Variants in NF1 observed in about 807,000 individuals in gnomAD.
The protein encoded by NF1 is neurofibromin.
A neutral mutation model predicts 325.7 loss-of-function variants in NF1; 122 were observed. The ratio of observed to expected loss-of-function variants is 0.37; its 90% confidence interval spans 0.32 to 0.44. NF1 has a LOEUF of 0.44. NF1 is among the 20% of genes least tolerant of loss of function. The probability of loss-of-function intolerance (pLI) is 1.00; values close to 1 mark genes in which losing one functional copy is unlikely to be tolerated. For missense variants in NF1, 2,140 were observed against 3,415.4 expected, an observed-to-expected ratio of 0.63 and a Z score of 9.31; for synonymous variants, 1,091 against 1,186.0, an observed-to-expected ratio of 0.92 and a Z score of 1.65.
At chr17:31,207,128 G>A (rs2066638763) in intron 12 of NF1, among the ~76,000 whole-genome samples, 1 of 152,044 alleles carries the variant, frequency 6.6e-6, no homozygotes, top group Admixed American at 6.6e-5. Context: ...TCTATTATTG[G>A]CTGCTGTCGC....
chr17:31,225,280 A>C, intron 17 of NF1, 30 bp downstream of exon 17: 1 of 1,609,788 alleles, frequency 6.2e-7, no homozygotes, highest in Non-Finnish European at 8.5e-7. Context: ...TTTCTGTATC[A>C]TTTTATGTGC....
intron 36 of NF1, chr17:31,314,108 T>C (rs905664341): frequency 1.5e-5 from 6 of 397,584 alleles, no homozygotes; most frequent in Non-Finnish European, 2.2e-5. Flanking sequence ...ACTGAAATAG[T>C]TTCTGTAGAA....
rs184485004 is a variant in NF1, at chr17:31,304,380, A to G, written c.4836-21440A>G. ...GGTTGGAATCTTCTTGGTTTTTCAT[A>G]AAATCTACTGGTGGCAGGGGCAAGT... On this transcript the variant is annotated intron_variant, in intron 36 of 57. Transcript: ENST00000358273. 9.0e-5 allele frequency: 145 copies of G among 1,614,112 alleles called. 1 individual carries two copies. In the East Asian group the frequency reaches 2.1e-3, roughly 23 times the overall value.
At position 31,358,863 on chromosome 17, in the gene NF1, A is replaced by G. The variant is rs1218347018; in HGVS notation, c.8114-106A>G. ...CACTCATTCTAAAAACATGTTTTCA[A>G]CATGTACATAGGGTTTATATATCAT... On this transcript the variant is annotated intron_variant, in intron 55 of 57. Coordinates refer to ENST00000358273, the MANE Select transcript of NF1 (RefSeq NM_001042492.3). 4 of 1,116,870 alleles carry G rather than the reference A, an allele frequency of 3.6e-6. No individual in the cohort carries two copies. The South Asian group carries it at 4.0e-5, about 11-fold the overall frequency. 69.2% of individuals were successfully genotyped at this position (1,116,870 alleles called of 1,614,324 possible). A position where few individuals can be genotyped will look rare whatever the true frequency, so the allele number is the denominator to read the frequency against.
intron 1 of NF1, among the ~76,000 whole-genome samples, chr17:31,132,994 T>C (rs1915504216): frequency 6.6e-6 from 1 of 152,084 alleles, no homozygotes; most frequent in Non-Finnish European, 1.5e-5. Context: ...TGTGGAAAAA[T>C]GCACATAACA....
intron 27 of NF1, 91 bp from the exon 28 acceptor site, chr17:31,235,520 C>A (rs917243770): frequency 7.1e-7 from 1 of 1,406,686 alleles, no homozygotes; most frequent in Admixed American, 1.7e-5. Context: ...TGGTTGTCAA[C>A]TTTGGGTTTA....
In NF1 at chr17:31,352,267, G is replaced by A. The variant is rs2151576916; in HGVS notation, c.7468G>A (p.Glu2490Lys). Residue 2490 changes from glutamate (E) to lysine (K), a missense_variant, in exon 51 of 58, where the codon GAG (glutamate) becomes AAG (lysine). Glu to Lys is a moderately conservative substitution (Grantham distance 56). Around this residue, in one of 10 missense-constraint regions of NF1, gnomAD observed 522 missense variants for 749.0 expected, o/e 0.70. Transcript: ENST00000358273. ...GTTTTCATCTTTCAGGACACTAAAG[G>A]AGACTCAGCCATGGTCCTCTCCCAA... ...HGDPSYRTLK[E>K]TQPWSSPKGS... 3 of 1,613,960 alleles carry A rather than the reference G, an allele frequency of 1.9e-6. No individual in the cohort carries two copies. Among genetic ancestry groups the A allele is most frequent in the Non-Finnish European group, 2.5e-6 (3 of 1,179,952 alleles).
intron 1 of NF1, among the ~76,000 whole-genome samples, chr17:31,152,546 C>CT (rs1179395397): frequency 6.3e-5 from 9 of 143,954 alleles, no homozygotes; most frequent in Non-Finnish European, 7.6e-5. Flanking sequence ...TTAGTCCCCC[C>CT]TTTTTTTTCA....
intron 17 of NF1, among the ~76,000 whole-genome samples, chr17:31,226,111 G>GTTAT (rs1194892778): frequency 1.3e-5 from 2 of 151,906 alleles, no homozygotes; most frequent in Non-Finnish European, 2.9e-5. Context: ...GTAGATTTAC[G>GTTAT]TTATGGTGTT....
chr17:31,338,828 G>A (rs2151559486), intron 46 of NF1, 23 bp downstream of exon 46: 2 of 1,425,692 alleles, frequency 1.4e-6, no homozygotes, highest in Non-Finnish European at 2.0e-6. Flanking sequence ...TAGAAAATGA[G>A]TGCATTCATT....
chr17:31,185,240 G>T (rs896587638), intron 8 of NF1, among the ~76,000 whole-genome samples: 1 of 152,140 alleles, frequency 6.6e-6, no homozygotes, highest in East Asian at 1.9e-4. Context: ...GTCCTAGCAG[G>T]TCCCTAGAGG....
chr17:31,271,690 C>T (rs913937675), intron 36 of NF1, among the ~76,000 whole-genome samples: 2 of 152,064 alleles, frequency 1.3e-5, no homozygotes, highest in African/African-American at 4.8e-5. Flanking sequence ...GTGGAGGTTG[C>T]AGTGAGCTGA....
rs556098393 is a variant in NF1 at position 31,132,411 on chromosome 17, A to G, written c.61-23572A>G. On this transcript the variant is annotated intron_variant, in intron 1 of 57. Coordinates refer to ENST00000358273, the MANE Select transcript of NF1 (RefSeq NM_001042492.3). Reference sequence around the variant, plus strand: ...AAAAACTAGCTGGGTGTGGTGGCAGACGCCTGTAATCCCAGCTACTCAGGA... The same window carrying G: ...AAAAACTAGCTGGGTGTGGTGGCAGGCGCCTGTAATCCCAGCTACTCAGGA... Among the ~76,000 whole-genome samples, 339 of 152,136 alleles carry G rather than the reference A, an allele frequency of 2.2e-3. 3 individuals carry two copies. The highest frequency in any genetic ancestry group is 2.8e-4 in the Non-Finnish European group (19 of 67,998).
chr17:31,311,310 T>C (rs1332478690), intron 36 of NF1, among the ~76,000 whole-genome samples: 3 of 152,096 alleles, frequency 2.0e-5, no homozygotes, highest in African/African-American at 7.2e-5. Flanking sequence ...GCATTTAAAA[T>C]TGATGCTGTT....
chr17:31,337,340 C>T (rs753505259), intron 42 of NF1, 28 bp from the exon 43 acceptor site: 74 of 1,543,850 alleles, frequency 4.8e-5, no homozygotes, highest in Non-Finnish European at 6.2e-5. Flanking sequence ...TATTTTCTGT[C>T]TTTACTTGTT....
At chr17:31,333,806 C>G (rs2069568079) in intron 39 of NF1, among the ~76,000 whole-genome samples, 1 of 152,162 alleles carries the variant, frequency 6.6e-6, no homozygotes, top group South Asian at 2.1e-4. Flanking sequence ...AGCCACGGAA[C>G]TGTACATTTA....
chr17:31,126,843 T>G (rs1167958348), intron 1 of NF1, among the ~76,000 whole-genome samples: 1 of 152,236 alleles, frequency 6.6e-6, no homozygotes, highest in Non-Finnish European at 1.5e-5. Context: ...TGCAGCTGAA[T>G]TTATCAGTCT....
chr17:31,181,760 C>T lies in NF1; in HGVS notation c.705C>T (p.Tyr235=), dbSNP rs769048538. 6.2e-7 allele frequency: 1 copy of T among 1,608,192 alleles called. No homozygotes were observed. Among genetic ancestry groups the T allele is most frequent in the Non-Finnish European group, 8.5e-7 (1 of 1,175,548 alleles). Residue 235 remains tyrosine, a synonymous_variant, in exon 7 of 58, where the codon TAC becomes TAT. Coordinates refer to ENST00000358273, the MANE Select transcript of NF1 (RefSeq NM_001042492.3). ...ATCCAGATGAATTTACAAAACTGTACCAGATCCCACAGACTGATATGGCTG... is the reference window on the plus strand; with the variant it reads ...ATCCAGATGAATTTACAAAACTGTATCAGATCCCACAGACTGATATGGCTG... ...ENYPDEFTKL[Y]QIPQTDMAEC... is the part of the protein sequence containing the mutation.
At position 31,261,727 on chromosome 17, in the gene NF1, G is replaced by A. The variant is rs2067689658; in HGVS notation, c.4594G>A (p.Gly1532Arg). The A allele has an allele frequency of 6.2e-7, 1 of 1,611,936 alleles. No homozygotes were observed. Among genetic ancestry groups the A allele is most frequent in the Non-Finnish European group, 8.5e-7 (1 of 1,179,938 alleles). Residue 1532 changes from glycine to arginine, a missense_variant, in exon 35 of 58, where the codon GGA becomes AGA. Physicochemically the swap from Gly to Arg is moderately radical, Grantham distance 125. Around this residue, in one of 10 missense-constraint regions of NF1, gnomAD observed 103 missense variants for 214.6 expected, o/e 0.48. Transcript: ENST00000358273. ...TGTATCTAGGGATCATAAAGCTGTT[G>A]GAAGACGACCTTTTGATAAGATGGC... The part of the protein sequence containing the change: ...LSSNRDHKAV[G>R]RRPFDKMATL...
Sources: gnomAD v4.1 joint callset for allele counts (sites outside exome capture counted in the v4.1 genomes callset) on GRCh38, gnomAD v4.1.1 for gene constraint, gnomAD v4.1.1 regional missense constraint, MANE v1.5 for transcripts, NCBI Gene and HGNC (gene_info 2026-07-23, HGNC 2026-07-21) for gene names.